The following PAG1 variants were observed in gnomAD, a reference collection of about 807,000 sequenced individuals.
PAG1 encodes the protein phosphoprotein associated with glycosphingolipid-enriched microdomains 1.
Under a neutral mutation model 31.7 loss-of-function variants are expected in PAG1, and 23 were observed. The observed-to-expected ratio is 0.73, with a 90% CI of 0.52 to 1.03. The LOEUF is 1.03. Among genes scored for constraint, PAG1 ranks in the 50% least tolerant of loss-of-function variants. The pLI is 0.00. For synonymous variants in PAG1, 214 were observed against 210.3 expected, an observed-to-expected ratio of 1.02 and a Z score of -0.15; for missense variants, 473 against 540.7, an observed-to-expected ratio of 0.87 and a Z score of 1.24.
intron 1 of PAG1, among the ~76,000 whole-genome samples, chr8:81,104,956 C>T (rs889373612): frequency 3.3e-5 from 5 of 152,092 alleles, no homozygotes; most frequent in Non-Finnish European, 7.4e-5. Flanking sequence ...TCTCACTCCC[C>T]ACCCTCAATG....
intron 1 of PAG1, among the ~76,000 whole-genome samples, chr8:81,088,696 G>A (rs1809399374): frequency 6.6e-6 from 1 of 152,106 alleles, no homozygotes; most frequent in African/African-American, 2.4e-5. Context: ...TATTTGAACA[G>A]ACAAGCAAAC....
chr8:81,055,812 C>T (rs910514940), intron 2 of PAG1, among the ~76,000 whole-genome samples: 2 of 151,940 alleles, frequency 1.3e-5, no homozygotes, highest in African/African-American at 4.9e-5. Context: ...GATTTTGTAT[C>T]CTGAGACTTT....
At chr8:81,071,139 G>C (rs1401049026) in intron 1 of PAG1, among the ~76,000 whole-genome samples, 1 of 152,158 alleles carries the variant, frequency 6.6e-6, no homozygotes, top group Non-Finnish European at 1.5e-5. Flanking sequence ...AGTAACATTT[G>C]AAAGACCAAA....
At chr8:80,997,163 T>C (rs184714085) in intron 3 of PAG1, among the ~76,000 whole-genome samples, 2 of 152,366 alleles carry the variant, frequency 1.3e-5, no homozygotes, top group Non-Finnish European at 2.9e-5. Flanking sequence ...TCTGAGCCAT[T>C]TGGAGGAGCA....
intron 2 of PAG1, among the ~76,000 whole-genome samples, chr8:81,049,810 G>A (rs1011563974): frequency 6.6e-6 from 1 of 152,206 alleles, no homozygotes; most frequent in Non-Finnish European, 1.5e-5. Context: ...AACTGAGACT[G>A]AGAGGTTCAG....
At chr8:81,013,400 C>T (rs1007816201) in intron 3 of PAG1, among the ~76,000 whole-genome samples, 3 of 152,144 alleles carry the variant, frequency 2.0e-5, no homozygotes, top group African/African-American at 7.2e-5. Flanking sequence ...CCCCCAGGCC[C>T]TCGGCCTCAG....
intron 1 of PAG1, among the ~76,000 whole-genome samples, chr8:81,079,769 T>G (rs951543364): frequency 2.0e-5 from 3 of 151,822 alleles, no homozygotes; most frequent in Admixed American, 6.6e-5. Flanking sequence ...TTTATTTCAT[T>G]TATTTATTTA....
chr8:81,102,199 T>G (rs1453374455), intron 1 of PAG1, among the ~76,000 whole-genome samples: 1 of 152,170 alleles, frequency 6.6e-6, no homozygotes, highest in Non-Finnish European at 1.5e-5. Context: ...GTATTGTTAT[T>G]TAAATTTTCA....
chr8:80,984,041 A>G (rs957106867), intron 7 of PAG1, among the ~76,000 whole-genome samples: 3 of 152,200 alleles, frequency 2.0e-5, no homozygotes, highest in African/African-American at 7.2e-5. Context: ...CTAAAACTGA[A>G]TAGAAGAGAG....
At chr8:80,983,429 T>A (rs1022700060) in intron 7 of PAG1, among the ~76,000 whole-genome samples, 5 of 152,192 alleles carry the variant, frequency 3.3e-5, no homozygotes, top group African/African-American at 1.2e-4. Context: ...AGGGCAGGGA[T>A]TTTGTTCATG....
chr8:80,996,917 C>T (rs1038068169), intron 3 of PAG1, among the ~76,000 whole-genome samples: 3 of 151,118 alleles, frequency 2.0e-5, no homozygotes, highest in Non-Finnish European at 2.9e-5. Context: ...GTAAAAGCTA[C>T]CCTGAACAGG....
chr8:81,090,793 C>T (rs1169944153), intron 1 of PAG1, among the ~76,000 whole-genome samples: 1 of 151,966 alleles, frequency 6.6e-6, no homozygotes, highest in African/African-American at 2.4e-5. Context: ...CAGCAGAATG[C>T]AAGAAATGAG....
At chr8:81,010,799 T>C (rs749347608) in intron 3 of PAG1, among the ~76,000 whole-genome samples, 6 of 152,260 alleles carry the variant, frequency 3.9e-5, no homozygotes, top group Non-Finnish European at 5.9e-5. Context: ...CATTCCAGCC[T>C]CAGCTGGTTC....
At chr8:81,006,132 G>C (rs994836372) in intron 3 of PAG1, among the ~76,000 whole-genome samples, 1 of 151,592 alleles carries the variant, frequency 6.6e-6, no homozygotes, top group Non-Finnish European at 1.5e-5. Flanking sequence ...TAGTACAGAT[G>C]GGGTTTCATC....
At chr8:81,062,811 T>C (rs1479297437) in intron 2 of PAG1, among the ~76,000 whole-genome samples, 2 of 152,112 alleles carry the variant, frequency 1.3e-5, no homozygotes, top group Admixed American at 1.3e-4. Context: ...CTTGAGTCGA[T>C]GGGATTAAGG....
At chr8:81,050,760 A>G (rs1317301989) in intron 2 of PAG1, among the ~76,000 whole-genome samples, 1 of 152,236 alleles carries the variant, frequency 6.6e-6, no homozygotes, top group Admixed American at 6.5e-5. Context: ...GGAGAGAAGT[A>G]GGTGCTTGAG....
At chr8:80,996,435 T>C (rs575377336) in intron 3 of PAG1, among the ~76,000 whole-genome samples, 1 of 152,332 alleles carries the variant, frequency 6.6e-6, no homozygotes, top group East Asian at 1.9e-4. Context: ...CTCTCTCTTT[T>C]TTCTGGATGT....
At chr8:80,988,760 C>A (rs1026947746) in intron 5 of PAG1, among the ~76,000 whole-genome samples, 1 of 152,180 alleles carries the variant, frequency 6.6e-6, no homozygotes, top group African/African-American at 2.4e-5. Context: ...CTCTGCAAAT[C>A]TTTCTTATTC....
intron 3 of PAG1, among the ~76,000 whole-genome samples, chr8:81,029,196 T>C (rs16908362): frequency 0.029 from 4,473 of 152,268 alleles, 207 homozygotes; most frequent in African/African-American, 0.1. Flanking sequence ...TGCTAAAACA[T>C]TGGCAGCTAA....
Sources: allele counts gnomAD v4.1 joint callset (sites outside exome capture counted in the v4.1 genomes callset), GRCh38; gene constraint gnomAD v4.1.1; transcripts MANE v1.5; gene names NCBI Gene and HGNC (gene_info 2026-07-23, HGNC 2026-07-21).